MARCHF3: variants seen among roughly 807,000 people sequenced by gnomAD.
MARCHF3 encodes the protein membrane associated ring-CH-type finger 3.
In MARCHF3, 13 loss-of-function variants were observed where a neutral mutation model predicts 24.2. The observed-to-expected ratio is 0.54, with a 90% CI of 0.35 to 0.85. The LOEUF is 0.85. MARCHF3 is among the 40% of genes least tolerant of loss of function. The pLI, the probability that MARCHF3 is intolerant of heterozygous loss-of-function variation, is 0.01. For synonymous variants in MARCHF3, 144 were observed against 137.3 expected (o/e 1.05, Z -0.34); for missense variants, 276 against 325.0 (o/e 0.85, Z 1.16).
At chr5:127,020,320 T>C (rs1752754197) in intron 1 of MARCHF3, among the ~76,000 whole-genome samples, 1 of 152,176 alleles carries the variant, frequency 6.6e-6, no homozygotes, top group Non-Finnish European at 1.5e-5. Context: ...CTTCACACTG[T>C]TTAGGGACAA....
At chr5:126,921,854 C>G (rs929464687) in intron 1 of MARCHF3, among the ~76,000 whole-genome samples, 11 of 152,146 alleles carry the variant, frequency 7.2e-5, no homozygotes, top group Non-Finnish European at 1.2e-4. Flanking sequence ...CAGCTGCACA[C>G]AGTGGGAGGA....
chr5:126,897,510 A>G (rs1161607236), intron 3 of MARCHF3, among the ~76,000 whole-genome samples: 3 of 152,162 alleles, frequency 2.0e-5, no homozygotes, highest in African/African-American at 7.2e-5. Flanking sequence ...AACAGAATCA[A>G]GAAAGCATCC....
At chr5:126,875,720 C>G (rs1345236541) in intron 4 of MARCHF3, among the ~76,000 whole-genome samples, 1 of 152,116 alleles carries the variant, frequency 6.6e-6, no homozygotes, top group Non-Finnish European at 1.5e-5. Flanking sequence ...ACTTTGCATT[C>G]TATAAAGGGC....
At chr5:126,875,611 C>T (rs112052750) in intron 4 of MARCHF3, among the ~76,000 whole-genome samples, 3 of 152,304 alleles carry the variant, frequency 2.0e-5, no homozygotes, top group Admixed American at 6.5e-5. Context: ...TTATCTGGGA[C>T]GGAGTTATTC....
intron 1 of MARCHF3, among the ~76,000 whole-genome samples, chr5:127,028,670 T>C (rs1204880082): frequency 6.6e-6 from 1 of 151,952 alleles, no homozygotes; most frequent in East Asian, 1.9e-4. Flanking sequence ...TGTAAACCCG[T>C]GTTGCATGGT....
chr5:126,878,370 G>A lies in MARCHF3; in HGVS notation c.418C>T (p.His140Tyr), dbSNP rs748963146. ...VEWLRNPGPQHEKRTLFGDMV... is the reference protein window; with the variant it reads ...VEWLRNPGPQYEKRTLFGDMV... ...TCGCCAAACAGAGTCCGCTTCTCATGCTGGGGGCCAGGGTTTCTCAGCCAC... is the reference window on the plus strand; with the variant it reads ...TCGCCAAACAGAGTCCGCTTCTCATACTGGGGGCCAGGGTTTCTCAGCCAC... The change falls in exon 4 of 5, where the codon CAT becomes TAT. Residue 140 changes from histidine (H) to tyrosine (Y), a missense_variant. By Grantham distance (83) the His-to-Tyr change is moderately conservative. Transcript: ENST00000308660. The A allele has an allele frequency of 7.4e-6, 12 of 1,613,704 alleles. No individual in the cohort carries two copies. Among genetic ancestry groups the A allele is most frequent in the South Asian group, 1.1e-5 (1 of 90,976 alleles).
At chr5:126,898,968 A>C (rs1442262889) in intron 3 of MARCHF3, 1 of 984,776 alleles carries the variant, frequency 1.0e-6, no homozygotes, top group Non-Finnish European at 1.2e-6. Context: ...TTTTTTTAGT[A>C]TCCAAACTAA....
At chr5:127,027,087 T>C (rs1320307833) in intron 1 of MARCHF3, among the ~76,000 whole-genome samples, 1 of 152,186 alleles carries the variant, frequency 6.6e-6, no homozygotes, top group Non-Finnish European at 1.5e-5. Flanking sequence ...AGAATCCAAA[T>C]GTCAGTATCA....
At chr5:127,030,162 G>C (rs1198301121) in intron 1 of MARCHF3, 188 bp downstream of exon 1, 1 of 152,296 alleles carries the variant, frequency 6.6e-6, no homozygotes, top group Non-Finnish European at 1.5e-5. Flanking sequence ...GCGGAGTTGG[G>C]ATGCTTTGAC....
chr5:126,993,704 T>C (rs1246631662), intron 1 of MARCHF3, among the ~76,000 whole-genome samples: 1 of 152,188 alleles, frequency 6.6e-6, no homozygotes, highest in African/African-American at 2.4e-5. Context: ...GTTCTGTATA[T>C]AAATAAAAAA....
At chr5:126,885,129 A>C (rs1350147053) in intron 3 of MARCHF3, among the ~76,000 whole-genome samples, 2 of 152,206 alleles carry the variant, frequency 1.3e-5, no homozygotes, top group East Asian at 1.9e-4. Context: ...TCAAGAGCAC[A>C]CAACACTCTC....
chr5:126,997,228 T>C (rs1454171633), intron 1 of MARCHF3, among the ~76,000 whole-genome samples: 1 of 152,180 alleles, frequency 6.6e-6, no homozygotes, highest in Non-Finnish European at 1.5e-5. Context: ...GTCCAATCCT[T>C]AAGCAGCTGT....
chr5:126,938,785 G>T (rs1580662801), intron 1 of MARCHF3, among the ~76,000 whole-genome samples: 1 of 152,182 alleles, frequency 6.6e-6, no homozygotes, highest in Non-Finnish European at 1.5e-5. Context: ...TTAGAATCTG[G>T]TTTGAGGAAA....
chr5:126,888,409 C>T (rs898300861), intron 3 of MARCHF3, among the ~76,000 whole-genome samples: 1 of 152,232 alleles, frequency 6.6e-6, no homozygotes, highest in Non-Finnish European at 1.5e-5. Context: ...ATGCTACACA[C>T]ACTCACACCA....
chr5:126,876,697 CTGG>C (rs1379289788), intron 4 of MARCHF3, among the ~76,000 whole-genome samples: 1 of 151,816 alleles, frequency 6.6e-6, no homozygotes, highest in African/African-American at 2.4e-5. Context: ...GTCACCAAGG[CTGG>C]AGTACAGTGG....
At chr5:127,000,452 C>T (rs1014445413) in intron 1 of MARCHF3, among the ~76,000 whole-genome samples, 4 of 152,140 alleles carry the variant, frequency 2.6e-5, no homozygotes, top group African/African-American at 4.8e-5. Context: ...TGATCCCTTA[C>T]ACCCCCAGAT....
At chr5:126,908,543 C>A (rs1284717089) in intron 3 of MARCHF3, among the ~76,000 whole-genome samples, 4 of 152,058 alleles carry the variant, frequency 2.6e-5, no homozygotes, top group African/African-American at 9.7e-5. Flanking sequence ...TTTCTCTAAA[C>A]TTCCCTTCTT....
chr5:126,961,369 T>C (rs1312244373), intron 1 of MARCHF3, among the ~76,000 whole-genome samples: 1 of 152,164 alleles, frequency 6.6e-6, no homozygotes, highest in Non-Finnish European at 1.5e-5. Context: ...AGGGCAGAAT[T>C]TGGGGTGTTC....
chr5:126,952,690 T>C (rs920564345), intron 1 of MARCHF3, among the ~76,000 whole-genome samples: 6 of 152,198 alleles, frequency 3.9e-5, no homozygotes, highest in Non-Finnish European at 8.8e-5. Flanking sequence ...TAAACGTTTA[T>C]TTCTTAATCC....
Sources: gnomAD v4.1 joint callset for allele counts (sites outside exome capture counted in the v4.1 genomes callset) on GRCh38, gnomAD v4.1.1 for gene constraint, MANE v1.5 for transcripts, NCBI Gene and HGNC (gene_info 2026-07-23, HGNC 2026-07-21) for gene names.